Variants in WDFY1 observed in about 807,000 individuals in gnomAD.
WDFY1 encodes WD repeat and FYVE domain-containing protein 1.
A neutral mutation model predicts 56.4 loss-of-function variants in WDFY1; 32 were observed. That is an observed-to-expected ratio of 0.57 (90% CI 0.43 to 0.76). WDFY1 has a LOEUF of 0.76. Ranked by LOEUF, WDFY1 falls within the 30% of genes least tolerant of loss-of-function variation. The pLI is 0.00. For synonymous variants in WDFY1, 192 were observed against 197.3 expected (o/e 0.97, Z 0.23); for missense variants, 480 against 545.7 (o/e 0.88, Z 1.20).
At chr2:223,925,765 C>A (rs1693968779) in intron 1 of WDFY1, among the ~76,000 whole-genome samples, 1 of 152,238 alleles carries the variant, frequency 6.6e-6, no homozygotes, top group South Asian at 2.1e-4. Context: ...GCTGCCATTT[C>A]AACAATGTTC....
chr2:223,890,334 T>C (rs986996458), intron 8 of WDFY1, among the ~76,000 whole-genome samples: 1 of 152,142 alleles, frequency 6.6e-6, no homozygotes, highest in Non-Finnish European at 1.5e-5. Context: ...TAGCCAGGCA[T>C]GGTGGCACAT....
At chr2:223,899,947 A>T (rs1693475439) in intron 5 of WDFY1, among the ~76,000 whole-genome samples, 1 of 152,206 alleles carries the variant, frequency 6.6e-6, no homozygotes, top group Non-Finnish European at 1.5e-5. Flanking sequence ...TTCACTTTAA[A>T]TTACTGTGGA....
chr2:223,884,888 T>C (rs1693146046), intron 8 of WDFY1, 139 bp from the exon 9 acceptor site: 3 of 681,164 alleles, frequency 4.4e-6, no homozygotes, highest in Non-Finnish European at 7.3e-6. Flanking sequence ...TCTCCCAGGC[T>C]GGAGTGCAGT....
chr2:223,911,153 A>G (rs1268290518), intron 3 of WDFY1, among the ~76,000 whole-genome samples: 3 of 152,216 alleles, frequency 2.0e-5, no homozygotes, highest in Non-Finnish European at 4.4e-5. Flanking sequence ...AAGGCCACAC[A>G]TATTGTATGA....
chr2:223,884,578 A>T (rs1693138630), intron 9 of WDFY1, 70 bp downstream of exon 9: 2 of 1,444,906 alleles, frequency 1.4e-6, no homozygotes, highest in Admixed American at 1.8e-5. Flanking sequence ...TTTCAAAAAA[A>T]CCCCAGATTA....
intron 1 of WDFY1, among the ~76,000 whole-genome samples, chr2:223,927,149 G>A (rs148812188): frequency 8.4e-4 from 128 of 152,264 alleles, no homozygotes; most frequent in African/African-American, 2.8e-3. Context: ...TAGGATTTTT[G>A]GAATGGTTAA....
In WDFY1 at chr2:223,878,470, G is replaced by C; in HGVS notation, c.*201C>G. 4 of 543,184 alleles carry C rather than the reference G, an allele frequency of 7.4e-6. No homozygotes were observed. The highest frequency in any genetic ancestry group is 7.1e-5 in the South Asian group (3 of 41,964). 33.6% of individuals were successfully genotyped at this position (543,184 alleles called of 1,614,324 possible). A position where few individuals can be genotyped will look rare whatever the true frequency, so the allele number is the denominator to read the frequency against. ...TTCCAGTCTTCAGGGAACCACTATG[G>C]ACAGACCTTTTCCATATTAGTCCCC... On this transcript the variant is annotated 3_prime_UTR_variant, in exon 12 of 12. Transcript: ENST00000233055.
intron 4 of WDFY1, among the ~76,000 whole-genome samples, chr2:223,904,950 T>C (rs745379751): frequency 6.6e-6 from 1 of 152,230 alleles, no homozygotes; most frequent in Non-Finnish European, 1.5e-5. Context: ...ATGTCACAGA[T>C]GCCACAAAGT....
chr2:223,943,813 C>T (rs1689354323), intron 1 of WDFY1, among the ~76,000 whole-genome samples: 1 of 152,214 alleles, frequency 6.6e-6, no homozygotes, highest in Non-Finnish European at 1.5e-5. Flanking sequence ...TTTCCGGCTT[C>T]ACCAGTATCT....
intron 1 of WDFY1, among the ~76,000 whole-genome samples, chr2:223,925,013 C>A (rs1382101901): frequency 1.3e-5 from 2 of 151,950 alleles, no homozygotes; most frequent in South Asian, 2.1e-4. Context: ...CTATAGAAAT[C>A]ATTTAATAGA....
intron 1 of WDFY1, among the ~76,000 whole-genome samples, chr2:223,931,330 T>C (rs191304991): frequency 6.6e-6 from 1 of 152,264 alleles, no homozygotes; most frequent in Admixed American, 6.5e-5. Context: ...ATAAAACTTC[T>C]GTATGCTTTA....
intron 8 of WDFY1, among the ~76,000 whole-genome samples, chr2:223,893,410 G>T (rs1197967626): frequency 6.6e-6 from 1 of 151,446 alleles, no homozygotes; most frequent in East Asian, 1.9e-4. Flanking sequence ...TATGCCTGTA[G>T]CCCCAGCTAC....
At chr2:223,915,639 T>C (rs751762102) in intron 2 of WDFY1, among the ~76,000 whole-genome samples, 24 of 152,318 alleles carry the variant, frequency 1.6e-4, no homozygotes, top group Admixed American at 3.3e-4. Context: ...ATAAGAGCCA[T>C]AGTATTAACA....
chr2:223,923,115 T>C (rs1693914641), intron 1 of WDFY1, among the ~76,000 whole-genome samples: 1 of 152,230 alleles, frequency 6.6e-6, no homozygotes, highest in African/African-American at 2.4e-5. Context: ...GCCTGGATGG[T>C]TGGCGCTACC....
At chr2:223,905,879 G>A in intron 4 of WDFY1, 68 bp downstream of exon 4, 1 of 1,108,612 alleles carries the variant, frequency 9.0e-7, no homozygotes. Context: ...TTCATCATAA[G>A]AGATGATGTT....
chr2:223,894,663 C>G (rs747848828), intron 7 of WDFY1, among the ~76,000 whole-genome samples: 2 of 152,130 alleles, frequency 1.3e-5, no homozygotes, highest in South Asian at 2.1e-4. Flanking sequence ...CCTACTTGTT[C>G]AGAAACAAGA....
At chr2:223,939,782 G>T (rs962909288) in intron 1 of WDFY1, among the ~76,000 whole-genome samples, 1 of 152,090 alleles carries the variant, frequency 6.6e-6, no homozygotes, top group Non-Finnish European at 1.5e-5. Flanking sequence ...GATAAGATTT[G>T]GGTGGGGACA....
chr2:223,884,782 T>C (rs775415088), intron 8 of WDFY1, 33 bp from the exon 9 acceptor site: 3 of 1,585,482 alleles, frequency 1.9e-6, no homozygotes, highest in East Asian at 4.5e-5. Flanking sequence ...CCACCATCAG[T>C]GTGTCTATAT....
Position 223,895,638 on chromosome 2 carries a change from T to C in WDFY1, c.599-8A>G. ...AGAGGCAGGCGACACTACCTAGGGA[T>C]TTGTGAGAGAGAGAGAGAGAGGGAG... On this transcript the variant is annotated splice_polypyrimidine_tract_variant and splice_region_variant and intron_variant, in intron 6 of 11. Coordinates refer to ENST00000233055, the MANE Select transcript of WDFY1 (RefSeq NM_020830.5). 6.2e-7 allele frequency: 1 copy of C among 1,613,328 alleles called. No homozygotes were observed. Among genetic ancestry groups the C allele is most frequent in the Non-Finnish European group, 8.5e-7 (1 of 1,179,758 alleles).
Sources: allele counts gnomAD v4.1 joint callset (sites outside exome capture counted in the v4.1 genomes callset), GRCh38; gene constraint gnomAD v4.1.1; transcripts MANE v1.5; gene names NCBI Gene and HGNC (gene_info 2026-07-23, HGNC 2026-07-21).